Variants in CCDC102B observed in about 807,000 individuals in gnomAD.
The protein encoded by CCDC102B is coiled-coil domain-containing protein 102B.
Under a neutral mutation model 57.4 loss-of-function variants are expected in CCDC102B, and 75 were observed. The observed-to-expected ratio is 1.31, with a 90% CI of 1.08 to 1.58. The LOEUF is 1.58. Ranked by LOEUF, CCDC102B falls within the 40% of genes most tolerant of loss-of-function variation. The pLI, the probability that CCDC102B is intolerant of heterozygous loss-of-function variation, is 0.00. For missense variants in CCDC102B, 636 were observed against 582.6 expected (o/e 1.09, Z -0.94); for synonymous variants, 206 against 201.9 (o/e 1.02, Z -0.17).
chr18:68,985,950 C>G (rs1158498388), intron 6 of CCDC102B, among the ~76,000 whole-genome samples: 2 of 151,924 alleles, frequency 1.3e-5, no homozygotes, highest in East Asian at 3.9e-4. Flanking sequence ...TGGAGCATGG[C>G]AAAGACCATG....
intron 6 of CCDC102B, among the ~76,000 whole-genome samples, chr18:69,008,625 G>C (rs17080055): frequency 0.029 from 4,354 of 152,218 alleles, 118 homozygotes; most frequent in East Asian, 0.13. Context: ...GGCATGGGGG[G>C]CGTTCTCTTC....
intron 4 of CCDC102B, among the ~76,000 whole-genome samples, chr18:68,858,587 G>T (rs1422913585): frequency 6.6e-6 from 1 of 152,036 alleles, no homozygotes; most frequent in Admixed American, 6.6e-5. Context: ...CACTAGGGTG[G>T]GCTATTGGAA....
intron 6 of CCDC102B, among the ~76,000 whole-genome samples, chr18:68,947,246 C>A (rs1233849383): frequency 1.3e-5 from 2 of 151,690 alleles, no homozygotes; most frequent in Non-Finnish European, 1.5e-5. Flanking sequence ...TTGTTTAATT[C>A]ATTACCTATC....
At chr18:68,998,995 TATATAGAGAGAG>T (rs1196790900) in intron 6 of CCDC102B, among the ~76,000 whole-genome samples, 5,087 of 41,296 alleles carry the variant, frequency 0.12, 73 homozygotes, top group Non-Finnish European at 0.17. Flanking sequence ...TATATATATA[TATATAGAGAGAG>T]AGAGAGAGAG....
At chr18:68,893,105 A>T (rs1370459778) in intron 5 of CCDC102B, among the ~76,000 whole-genome samples, 3 of 152,220 alleles carry the variant, frequency 2.0e-5, no homozygotes, top group Non-Finnish European at 4.4e-5. Flanking sequence ...GAAAAAGTAA[A>T]TACACTATTT....
At chr18:68,879,038 C>A (rs951422785) in intron 5 of CCDC102B, among the ~76,000 whole-genome samples, 2 of 151,912 alleles carry the variant, frequency 1.3e-5, no homozygotes, top group Non-Finnish European at 2.9e-5. Flanking sequence ...CTCGCTGGCT[C>A]AGGAGTGAAG....
chr18:69,038,970 C>T (rs1302349683), intron 7 of CCDC102B, among the ~76,000 whole-genome samples: 1 of 151,840 alleles, frequency 6.6e-6, no homozygotes, highest in Non-Finnish European at 1.5e-5. Context: ...CTTTTCCTTT[C>T]ATCAGTTGCT....
At chr18:68,946,847 T>A (rs2145185449) in intron 6 of CCDC102B, among the ~76,000 whole-genome samples, 1 of 152,146 alleles carries the variant, frequency 6.6e-6, no homozygotes, top group Non-Finnish European at 1.5e-5. Flanking sequence ...ACCATTTACA[T>A]GGAAATTGTA....
chr18:68,954,265 C>T (rs544568385), intron 6 of CCDC102B, among the ~76,000 whole-genome samples: 9 of 151,892 alleles, frequency 5.9e-5, no homozygotes, highest in East Asian at 1.9e-4. Context: ...ACTAAAAATA[C>T]GAAAATTAGC....
chr18:69,029,088 C>T (rs73967766), intron 7 of CCDC102B, among the ~76,000 whole-genome samples: 4,154 of 152,162 alleles, frequency 0.027, 201 homozygotes, highest in African/African-American at 0.093. Context: ...AATGTATTCA[C>T]GTGATGGTCT....
chr18:68,956,353 T>A (rs1004802847), intron 6 of CCDC102B, among the ~76,000 whole-genome samples: 53 of 1,920 alleles, frequency 0.028, 1 homozygote, highest in South Asian at 0.073. Context: ...TATATATTAA[T>A]ATATATAATA....
At chr18:68,966,021 G>A (rs566625031) in intron 6 of CCDC102B, among the ~76,000 whole-genome samples, 33 of 152,260 alleles carry the variant, frequency 2.2e-4, no homozygotes, top group African/African-American at 7.7e-4. Context: ...ATGCAATCCT[G>A]CTGAGAGGTC....
chr18:68,788,253 G>A (rs1448903674), intron 2 of CCDC102B, among the ~76,000 whole-genome samples: 1 of 152,120 alleles, frequency 6.6e-6, no homozygotes, highest in African/African-American at 2.4e-5. Flanking sequence ...TTCCAAGTAT[G>A]TGGTCAATTT....
chr18:68,967,271 CT>C (rs1277017874), intron 6 of CCDC102B, among the ~76,000 whole-genome samples: 3 of 152,096 alleles, frequency 2.0e-5, no homozygotes, highest in African/African-American at 7.2e-5. Context: ...ACACTGCCAT[CT>C]TATAAAGTAT....
intron 6 of CCDC102B, among the ~76,000 whole-genome samples, chr18:68,943,871 T>C (rs2049457680): frequency 6.6e-6 from 1 of 152,106 alleles, no homozygotes; most frequent in East Asian, 1.9e-4. Flanking sequence ...CGTAAAAACC[T>C]GCAAGAATCA....
chr18:68,813,327 A>C (rs1478260768), intron 1 of CCDC102B, among the ~76,000 whole-genome samples: 1 of 152,050 alleles, frequency 6.6e-6, no homozygotes, highest in Non-Finnish European at 1.5e-5. Context: ...TATTTTCTTC[A>C]TAAGTTACCC....
chr18:68,780,528 GATTTTCATGTCATGAA>G (rs1204767697), intron 2 of CCDC102B, among the ~76,000 whole-genome samples: 2 of 148,630 alleles, frequency 1.3e-5, no homozygotes, highest in Non-Finnish European at 3.0e-5. Flanking sequence ...TGAATTTCAT[GATTTTCATGTCATGAA>G]ATATATTTTT....
chr18:68,976,634 T>C (rs1173268776), intron 6 of CCDC102B, among the ~76,000 whole-genome samples: 2 of 152,010 alleles, frequency 1.3e-5, no homozygotes, highest in African/African-American at 4.8e-5. Flanking sequence ...AATGGACAAA[T>C]AACTTATACA....
chr18:69,049,695 A>G, intron 7 of CCDC102B, among the ~76,000 whole-genome samples: 1 of 152,124 alleles, frequency 6.6e-6, no homozygotes, highest in East Asian at 1.9e-4. Context: ...GAAAAACACA[A>G]TTAATAGTAC....
Sources: gnomAD v4.1 joint callset for allele counts (sites outside exome capture counted in the v4.1 genomes callset) on GRCh38, gnomAD v4.1.1 for gene constraint, MANE v1.5 for transcripts, NCBI Gene and HGNC (gene_info 2026-07-23, HGNC 2026-07-21) for gene names.